The following LAMA1 variants were observed in gnomAD, a reference collection of about 807,000 sequenced individuals.
LAMA1 encodes the protein laminin subunit alpha 1, also known as laminin subunit alpha-1.
LAMA1 carries 219 observed loss-of-function variants against 348.7 expected under a neutral mutation model. The ratio of observed to expected loss-of-function variants is 0.63; its 90% CI spans 0.56 to 0.70. The LOEUF (loss-of-function observed/expected upper bound fraction) is 0.70. Among genes scored for constraint, LAMA1 ranks in the 30% least tolerant of loss-of-function variants. LAMA1 has a pLI of 0.00. For missense variants in LAMA1, 3,744 were observed against 3,888.0 expected (o/e 0.96, Z 0.99); for synonymous variants, 1,487 against 1,491.0 (o/e 1.00, Z 0.06).
At chr18:7,038,462 C>T (rs952857821) in intron 11 of LAMA1, 2 of 378,108 alleles carry the variant, frequency 5.3e-6, no homozygotes, top group South Asian at 2.2e-5. Flanking sequence ...ATCCCCATGG[C>T]CCCACGGCCC....
intron 48 of LAMA1, among the ~76,000 whole-genome samples, chr18:6,971,000 G>T (rs181622860): frequency 6.6e-6 from 1 of 152,144 alleles, no homozygotes; most frequent in Non-Finnish European, 1.5e-5. Flanking sequence ...AAATTCACCC[G>T]TGAGTTTCTA....
intron 1 of LAMA1, among the ~76,000 whole-genome samples, chr18:7,083,161 T>C (rs573433225): frequency 2.1e-4 from 32 of 151,870 alleles, no homozygotes; most frequent in Middle Eastern, 6.8e-3. Context: ...ACAGGTTTCT[T>C]ACCTGGCTGT....
At chr18:7,064,520 A>T (rs1306027213) in intron 3 of LAMA1, among the ~76,000 whole-genome samples, 1 of 152,180 alleles carries the variant, frequency 6.6e-6, no homozygotes, top group Non-Finnish European at 1.5e-5. Flanking sequence ...ATGATACTTC[A>T]CAAAATACAA....
chr18:7,005,913 G>A (rs1049860120), intron 29 of LAMA1, among the ~76,000 whole-genome samples: 3 of 152,224 alleles, frequency 2.0e-5, no homozygotes, highest in East Asian at 3.9e-4. Flanking sequence ...AAAATGTGGC[G>A]GGAGGCAGGT....
chr18:7,092,808 T>C (rs2058244788), intron 1 of LAMA1, among the ~76,000 whole-genome samples: 1 of 152,100 alleles, frequency 6.6e-6, no homozygotes, highest in Non-Finnish European at 1.5e-5. Flanking sequence ...TCATGCTACA[T>C]ACATACATCA....
intron 3 of LAMA1, among the ~76,000 whole-genome samples, chr18:7,061,985 G>GA (rs1484602738): frequency 1.3e-5 from 2 of 152,206 alleles, no homozygotes; most frequent in Admixed American, 6.5e-5. Flanking sequence ...TGGGGGAGGG[G>GA]TGAGCAAAGG....
Position 6,982,955 on chromosome 18 carries a change from A to T in LAMA1, c.5796+144T>A. On this transcript the variant is annotated intron_variant, in intron 40 of 62. Coordinates refer to ENST00000389658, the MANE Select transcript of LAMA1 (RefSeq NM_005559.4). ...ATGACCTTAAAAAATTAAAACACAG[A>T]TCATATGATGACAGAAGCCAGAAAC... 4 of 1,071,128 alleles carry T rather than the reference A, an allele frequency of 3.7e-6. No homozygotes were observed. In the South Asian group the frequency reaches 5.4e-5, roughly 14 times the overall value. The allele number at this position is 1,071,128 out of a possible 1,614,324, so 66.4% of individuals were successfully genotyped here. A position where few individuals can be genotyped will look rare whatever the true frequency, so the allele number is the denominator to read the frequency against.
intron 1 of LAMA1, among the ~76,000 whole-genome samples, chr18:7,092,555 G>A (rs1261820552): frequency 6.6e-6 from 1 of 151,698 alleles, no homozygotes; most frequent in East Asian, 1.9e-4. Context: ...AACCCAGGAG[G>A]TGGAGGCTGC....
rs200657079 is a variant in LAMA1, at chr18:7,050,911, A to G, written c.371T>C (p.Ile124Thr). Reference sequence around the variant, plus strand: ...AGGTCGAGGGGCATTGGCAGCTTTAATGATGACATATGCAACTTGAAAGAC... The same window carrying G: ...AGGTCGAGGGGCATTGGCAGCTTTAGTGATGACATATGCAACTTGAAAGAC... ...RQVFQVAYVI[I>T]KAANAPRPGN... Residue 124 changes from isoleucine (I) to threonine (T), a missense_variant, in exon 4 of 63, where the codon ATT (isoleucine) becomes ACT (threonine). Ile to Thr is a moderately conservative substitution (Grantham distance 89, BLOSUM62 -1). Around this residue, in one of 3 missense-constraint regions of LAMA1, gnomAD observed 1,529 missense variants for 1,689.4 expected, o/e 0.91. Coordinates refer to ENST00000389658, the MANE Select transcript of LAMA1 (RefSeq NM_005559.4). 582 of 1,614,082 alleles carry G rather than the reference A, an allele frequency of 3.6e-4. No individual in the cohort carries two copies. Among genetic ancestry groups the G allele is most frequent in the Non-Finnish European group, 4.8e-4 (565 of 1,180,046 alleles).
In LAMA1 at chr18:6,943,308, A is replaced by G; in HGVS notation, c.8939T>C (p.Leu2980Pro). ...ACGGTGTTTGCTTTTGTTAGCTTGAAGAGTGTGCCATTTTCCATCACAGAG... is the reference window on the plus strand; with the variant it reads ...ACGGTGTTTGCTTTTGTTAGCTTGAGGAGTGTGCCATTTTCCATCACAGAG... ...TVLCDGKWHTLQANKSKHRIT... is the reference protein window; with the variant it reads ...TVLCDGKWHTPQANKSKHRIT... Residue 2980 changes from leucine (L) to proline (P), a missense_variant, in exon 62 of 63, where the codon CTT (leucine) becomes CCT (proline). Leu to Pro is a moderately conservative substitution (Grantham distance 98). Coordinates refer to ENST00000389658, the MANE Select transcript of LAMA1 (RefSeq NM_005559.4). 1 of 1,614,226 alleles carries G rather than the reference A, an allele frequency of 6.2e-7. No homozygotes were observed. Among genetic ancestry groups the G allele is most frequent in the Non-Finnish European group, 8.5e-7 (1 of 1,180,046 alleles).
At chr18:7,073,822 T>TTGTGTGTGTGTGTG (rs112415914) in intron 3 of LAMA1, among the ~76,000 whole-genome samples, 3 of 139,808 alleles carry the variant, frequency 2.1e-5, no homozygotes, top group African/African-American at 7.7e-5. Context: ...ACCATACTGG[T>TTGTGTGTGTGTGTG]TGTGTGTGTG....
intron 33 of LAMA1, among the ~76,000 whole-genome samples, chr18:6,995,915 C>T (rs2144081238): frequency 6.6e-6 from 1 of 152,166 alleles, no homozygotes; most frequent in South Asian, 2.1e-4. Flanking sequence ...TTTATTTCAA[C>T]CTTAAAACTT....
At chr18:7,097,008 G>C in intron 1 of LAMA1, among the ~76,000 whole-genome samples, 1 of 152,138 alleles carries the variant, frequency 6.6e-6, no homozygotes, top group Non-Finnish European at 1.5e-5. Context: ...TGATGGAGAA[G>C]GCTGGCTTGA....
intron 33 of LAMA1, among the ~76,000 whole-genome samples, chr18:6,996,303 C>T (rs1244544404): frequency 1.3e-5 from 2 of 152,094 alleles, no homozygotes; most frequent in African/African-American, 4.8e-5. Flanking sequence ...TCCCAGCGCA[C>T]ACATAAACAC....
chr18:6,979,832 G>T (rs192163845), intron 42 of LAMA1, among the ~76,000 whole-genome samples: 5,316 of 152,206 alleles, frequency 0.035, 137 homozygotes, highest in Non-Finnish European at 0.049. Flanking sequence ...CCGGGGGGCG[G>T]AGCTTGCAGT....
chr18:6,956,726 G>T lies in LAMA1; in HGVS notation c.8004C>A (p.Val2668=). 1 of 1,614,164 alleles carries T rather than the reference G, an allele frequency of 6.2e-7. No individual in the cohort carries two copies. Among genetic ancestry groups the T allele is most frequent in the Non-Finnish European group, 8.5e-7 (1 of 1,180,028 alleles). Reference sequence around the variant, plus strand: ...CTGACAGCCAGCAGGTGTCCAGGTCGACTTGCTCATGGCCAACTGCACTGT... The same window carrying T: ...CTGACAGCCAGCAGGTGTCCAGGTCTACTTGCTCATGGCCAACTGCACTGT... ...DFNSAVGHEQ[V]DLDTCWLSER... The change falls in exon 56 of 63, where the codon GTC becomes GTA. Residue 2668 remains valine (V), a synonymous_variant. Coordinates refer to ENST00000389658, the MANE Select transcript of LAMA1 (RefSeq NM_005559.4).
chr18:6,948,595 C>G (rs1568002736), intron 59 of LAMA1, 39 bp from the exon 60 acceptor site: 2 of 1,613,194 alleles, frequency 1.2e-6, no homozygotes, highest in Non-Finnish European at 1.7e-6. Context: ...AGTGGTGATT[C>G]TAATGGGAAG....
chr18:6,964,762 C>A lies in LAMA1; in HGVS notation c.7237G>T (p.Glu2413Ter). 1 of 1,614,070 alleles carries A rather than the reference C, an allele frequency of 6.2e-7. No homozygotes were observed. The highest frequency in any genetic ancestry group is 1.3e-5 in the African/African-American group (1 of 75,012). ...VIDAYNTSNKETKQGETPGAS... is the reference protein window; with the variant it reads ...VIDAYNTSNK ...CCCGGAGTCTCGCCCTGCTTGGTTT[C>A]TTTATTACTGGTGTTATAGGCATCG... The change falls in exon 51 of 63, where the codon GAA becomes TAA. Residue 2413 changes from glutamate to a stop codon, truncating the protein, a stop_gained. Coordinates refer to ENST00000389658, the MANE Select transcript of LAMA1 (RefSeq NM_005559.4). LOFTEE classifies it high-confidence loss of function.
At chr18:7,034,719 T>C in intron 13 of LAMA1, 29 bp from the exon 14 acceptor site, 2 of 1,577,278 alleles carry the variant, frequency 1.3e-6, no homozygotes, top group South Asian at 2.2e-5. Flanking sequence ...AGAAAATATA[T>C]TTGTCATTCA....
Sources: allele counts gnomAD v4.1 joint callset (sites outside exome capture counted in the v4.1 genomes callset), GRCh38; gene constraint gnomAD v4.1.1; regional missense constraint gnomAD v4.1.1; transcripts MANE v1.5; gene names NCBI Gene and HGNC (gene_info 2026-07-23, HGNC 2026-07-21).